Variants in INO80D observed in about 807,000 individuals in gnomAD.
INO80D encodes the protein INO80 complex subunit D.
Under a neutral mutation model 87.6 loss-of-function variants are expected in INO80D, and 21 were observed. That is an observed-to-expected ratio of 0.24 (90% CI 0.17 to 0.35). The LOEUF is 0.35. Among genes scored for constraint, INO80D ranks in the 10% least tolerant of loss-of-function variants. INO80D has a pLI of 1.00. For missense variants in INO80D, 982 were observed against 1,280.7 expected, an observed-to-expected ratio of 0.77 and a Z score of 3.56; for synonymous variants, 440 against 491.0, an observed-to-expected ratio of 0.90 and a Z score of 1.37.
chr2:206,010,986 C>G (rs1013162416), intron 8 of INO80D, among the ~76,000 whole-genome samples: 1 of 149,290 alleles, frequency 6.7e-6, no homozygotes, highest in African/African-American at 2.5e-5. Flanking sequence ...GCTGAGGCAA[C>G]GGAATTGCTT....
chr2:206,057,253 T>G (rs564107696), intron 3 of INO80D, among the ~76,000 whole-genome samples: 1 of 152,200 alleles, frequency 6.6e-6, no homozygotes, highest in Non-Finnish European at 1.5e-5. Context: ...TCTCTATTCA[T>G]AGCATACAAA....
intron 7 of INO80D, 54 bp downstream of exon 7, chr2:206,019,682 C>A: frequency 7.8e-7 from 1 of 1,282,440 alleles, no homozygotes; most frequent in Non-Finnish European, 1.1e-6. Context: ...AAATATACAG[C>A]CCCAAATTAG....
At chr2:206,067,056 T>A (rs1248293741) in intron 1 of INO80D, among the ~76,000 whole-genome samples, 1 of 150,662 alleles carries the variant, frequency 6.6e-6, no homozygotes, top group African/African-American at 2.5e-5. Context: ...GAGACCAGCC[T>A]GGCCAACATG....
intron 6 of INO80D, among the ~76,000 whole-genome samples, chr2:206,023,680 T>TA (rs55665575): frequency 0.098 from 9,888 of 101,356 alleles, 579 homozygotes; most frequent in Admixed American, 0.22. Context: ...GAGACTCATC[T>TA]AAAAAAAAAA....
Position 206,004,346 on chromosome 2 carries a change from G to A in INO80D, c.*22C>T, listed in dbSNP as rs1325514950. 1 of 1,563,184 alleles carries A rather than the reference G, an allele frequency of 6.4e-7. No individual in the cohort carries two copies. The highest frequency in any genetic ancestry group is 1.9e-5 in the Admixed American group (1 of 52,768). ...ATAGAAAACACTGGGTTCCCCACCT[G>A]CCTGCAAACACACAGACACCCTCAG... On this transcript the variant is annotated 3_prime_UTR_variant, in exon 11 of 11. Transcript: ENST00000403263. The surrounding 1 kb of genome is among the most constrained non-coding windows in gnomAD (Gnocchi z 4.9).
chr2:206,084,152 G>T (rs1008100743), intron 1 of INO80D, among the ~76,000 whole-genome samples: 3 of 149,762 alleles, frequency 2.0e-5, no homozygotes, highest in East Asian at 3.9e-4. Flanking sequence ...GAAAACATAC[G>T]TGTGTGTGTA....
intron 6 of INO80D, among the ~76,000 whole-genome samples, chr2:206,024,779 G>A (rs1029374469): frequency 7.3e-5 from 11 of 151,496 alleles, no homozygotes; most frequent in Admixed American, 3.3e-4. Context: ...TGTTTGAGAC[G>A]GAGTCTCACT....
chr2:206,009,452 C>A (rs1454493465), intron 9 of INO80D, 125 bp downstream of exon 9: 3 of 747,188 alleles, frequency 4.0e-6, no homozygotes, highest in Non-Finnish European at 6.3e-6. Context: ...TTTAAAAAAT[C>A]TAGGCTGATA....
chr2:206,076,128 G>C (rs557737462), intron 1 of INO80D, among the ~76,000 whole-genome samples: 33 of 150,142 alleles, frequency 2.2e-4, no homozygotes, highest in Non-Finnish European at 3.1e-4. Context: ...GGGAGGCCAC[G>C]GCAGAAGGAT....
intron 1 of INO80D, among the ~76,000 whole-genome samples, chr2:206,070,889 A>ATTTTT (rs71863031): frequency 4.7e-5 from 6 of 129,006 alleles, no homozygotes; most frequent in African/African-American, 1.2e-4. Context: ...AGGGGACTTG[A>ATTTTT]TTTTTTTTTT....
At chr2:206,014,855 TGTTGAATG>T (rs1210580385) in intron 8 of INO80D, among the ~76,000 whole-genome samples, 32 of 152,152 alleles carry the variant, frequency 2.1e-4, no homozygotes, top group Non-Finnish European at 4.0e-4. Flanking sequence ...ACTGGACACT[TGTTGAATG>T]GCTTTGACAA....
Position 206,007,283 on chromosome 2 carries a change from C to T in INO80D, c.1918+1G>A. ...TCCTTGAGTCAAAATATTGACTATACCTTCAAAAAAATCAAAATCTTGTAA... is the reference window on the plus strand; with the variant it reads ...TCCTTGAGTCAAAATATTGACTATATCTTCAAAAAAATCAAAATCTTGTAA... On this transcript the variant is annotated splice_donor_variant, in intron 10 of 10. Coordinates refer to ENST00000403263, the MANE Select transcript of INO80D (RefSeq NM_017759.5). LOFTEE classifies it high-confidence loss of function. The T allele has an allele frequency of 1.2e-6, 2 of 1,612,064 alleles. No homozygotes were observed. The highest frequency in any genetic ancestry group is 1.7e-6 in the Non-Finnish European group (2 of 1,179,262).
At chr2:206,038,571 C>T (rs993718716) in intron 5 of INO80D, among the ~76,000 whole-genome samples, 2 of 152,198 alleles carry the variant, frequency 1.3e-5, no homozygotes, top group Non-Finnish European at 2.9e-5. Flanking sequence ...GTGGCTCACG[C>T]TTGTAATCCT....
rs554207192 is a variant in INO80D, at chr2:206,021,304, C to T, written c.1299-1459G>A. Among the ~76,000 whole-genome samples the T allele has an allele frequency of 2.6e-5, 4 of 152,172 alleles. No individual in the cohort carries two copies. In the South Asian group the frequency reaches 8.3e-4, roughly 32 times the overall value. On this transcript the variant is annotated intron_variant, in intron 6 of 10. Transcript: ENST00000403263. ...TTACACAAAATATAAATACTTCTACCGTAGTTATTAATTTCATATAAACTG... is the reference window on the plus strand; with the variant it reads ...TTACACAAAATATAAATACTTCTACTGTAGTTATTAATTTCATATAAACTG...
At chr2:206,060,811 C>T (rs1449815139) in intron 3 of INO80D, among the ~76,000 whole-genome samples, 2 of 152,028 alleles carry the variant, frequency 1.3e-5, no homozygotes, top group African/African-American at 2.4e-5. Context: ...CCACCCACCT[C>T]GGCCTCCCAA....
intron 6 of INO80D, among the ~76,000 whole-genome samples, chr2:206,023,446 G>C (rs1428593817): frequency 1.3e-5 from 2 of 151,980 alleles, no homozygotes; most frequent in Non-Finnish European, 2.9e-5. Flanking sequence ...CACTTTGGGA[G>C]GCCGGGGGAG....
In INO80D at chr2:206,056,947, T is replaced by G; in HGVS notation, c.219-4A>C. ...CTGCAAGTGGCTGTTGCAGTACCTT[T>G]AAAATACACACATACATGGGAAAAC... On this transcript the variant is annotated splice_region_variant and splice_polypyrimidine_tract_variant and intron_variant, in intron 3 of 10. Coordinates refer to ENST00000403263, the MANE Select transcript of INO80D (RefSeq NM_017759.5). 6.3e-7 allele frequency: 1 copy of G among 1,574,946 alleles called. No individual in the cohort carries two copies. Among genetic ancestry groups the G allele is most frequent in the Non-Finnish European group, 8.6e-7 (1 of 1,157,004 alleles).
At position 206,002,951 on chromosome 2, in the gene INO80D, G is replaced by A. The variant is rs933053135; in HGVS notation, c.*1417C>T. 2.0e-5 allele frequency: 3 copies of A among 152,058 alleles called. No individual in the cohort carries two copies. The highest frequency in any genetic ancestry group is 7.2e-5 in the African/African-American group (3 of 41,394). The allele number at this position is 152,058 out of a possible 1,614,324, so 9.4% of individuals were successfully genotyped here. A position where few individuals can be genotyped will look rare whatever the true frequency, so the allele number is the denominator to read the frequency against. On this transcript the variant is annotated 3_prime_UTR_variant, in exon 11 of 11. Transcript: ENST00000403263. ...AAAATCTAGTTCCACCCTTCTCTGG[G>A]GGGGAAAAAAGGTAGGCAAGAAACC... is the stretch of plus-strand genomic sequence containing the variant.
intron 6 of INO80D, among the ~76,000 whole-genome samples, chr2:206,020,115 T>C (rs558396249): frequency 6.6e-6 from 1 of 152,254 alleles, no homozygotes; most frequent in Admixed American, 6.5e-5. Flanking sequence ...GATGTTTTAT[T>C]TCCCTTTTCT....
Sources: gnomAD v4.1 joint callset for allele counts (sites outside exome capture counted in the v4.1 genomes callset) on GRCh38, gnomAD v4.1.1 for gene constraint, Gnocchi (gnomAD v3.1) non-coding constraint, MANE v1.5 for transcripts, NCBI Gene and HGNC (gene_info 2026-07-23, HGNC 2026-07-21) for gene names.